The following HDGFL3 variants were observed in gnomAD, a reference collection of about 807,000 sequenced individuals.
The protein encoded by HDGFL3 is hepatoma-derived growth factor-related protein 3.
Under a neutral mutation model 27.6 loss-of-function variants are expected in HDGFL3, and 6 were observed. The observed-to-expected ratio is 0.22, with a 90% CI of 0.12 to 0.43. The LOEUF (loss-of-function observed/expected upper bound fraction) is 0.43, where lower values mean the gene tolerates loss of function less well. Ranked by LOEUF, HDGFL3 falls within the 20% of genes least tolerant of loss-of-function variation. HDGFL3 has a pLI of 1.00. For missense variants in HDGFL3, 207 were observed against 250.1 expected (o/e 0.83, Z 1.16); for synonymous variants, 88 against 88.9 (o/e 0.99, Z 0.05).
chr15:83,198,863 C>G (rs1309517130), intron 1 of HDGFL3, among the ~76,000 whole-genome samples: 1 of 152,186 alleles, frequency 6.6e-6, no homozygotes, highest in Non-Finnish European at 1.5e-5. Flanking sequence ...TAGAACCCAC[C>G]TCCCAACACC....
Position 83,112,855 on chromosome 15 carries a change from C to G in HDGFL3, c.*2854G>C. The G allele has an allele frequency of 1.9e-6, 3 of 1,614,128 alleles. No individual in the cohort carries two copies. The East Asian group carries it at 6.7e-5, about 36-fold the overall frequency. On this transcript the variant is annotated 3_prime_UTR_variant, in exon 4 of 4. Coordinates refer to the HDGFL3 transcript ENST00000568294. ...CCTGTTCCTGGTAGCACTGCTGGCT[C>G]GTGTCCTCGTCAAAAGAAAACCACC...
At chr15:83,150,108 C>A (rs1267838395) in intron 5 of HDGFL3, among the ~76,000 whole-genome samples, 1 of 152,134 alleles carries the variant, frequency 6.6e-6, no homozygotes. Context: ...GGTTCACTGA[C>A]CACATTCTGA....
At position 83,129,053 on chromosome 15, in the gene HDGFL3, A is replaced by G. The variant is rs901978464; in HGVS notation, c.*10217T>C. On this transcript the variant is annotated 3_prime_UTR_variant, in exon 6 of 6. Transcript: ENST00000299633. The stretch of plus-strand genomic sequence containing the variant: ...ATTTTGTTGCCCAGCTTATTCTCAA[A>G]TGCCTGCTTCAAGTAATCCTCCTGC... 3.3e-5 allele frequency: 5 copies of G among 152,126 alleles called. No homozygotes were observed. Among genetic ancestry groups the G allele is most frequent in the African/African-American group, 1.2e-4 (5 of 41,424 alleles). The allele number at this position is 152,126 out of a possible 1,614,324, so 9.4% of individuals were successfully genotyped here.
intron 1 of HDGFL3, among the ~76,000 whole-genome samples, chr15:83,188,087 T>A (rs1284278802): frequency 3.3e-5 from 5 of 152,166 alleles, no homozygotes; most frequent in African/African-American, 1.2e-4. Flanking sequence ...GAAAATGACT[T>A]CCCTTCCAAT....
chr15:83,156,735 C>T lies in HDGFL3; in HGVS notation c.459+680G>A, dbSNP rs1365897470. On this transcript the variant is annotated intron_variant, in intron 4 of 5. Transcript: ENST00000299633. Reference sequence around the variant, plus strand: ...TTGAGATGGAGTCTCGCTCTGTCACCCAGGCTGGAGTGCAGTGGCACGATT... The same window carrying T: ...TTGAGATGGAGTCTCGCTCTGTCACTCAGGCTGGAGTGCAGTGGCACGATT... 3.3e-5 allele frequency among the ~76,000 whole-genome samples: 5 copies of T among 151,924 alleles called. No homozygotes were observed. In the South Asian group the frequency reaches 6.2e-4, roughly 19 times the overall value.
At chr15:83,201,050 C>G (rs2037639212) in intron 1 of HDGFL3, among the ~76,000 whole-genome samples, 2 of 152,006 alleles carry the variant, frequency 1.3e-5, no homozygotes, top group Non-Finnish European at 2.9e-5. Context: ...GAAGGTCAAC[C>G]CATTCCCCCT....
intron 1 of HDGFL3, among the ~76,000 whole-genome samples, chr15:83,206,524 C>G (rs941118439): frequency 1.3e-5 from 2 of 152,218 alleles, no homozygotes; most frequent in Admixed American, 1.3e-4. Context: ...CATGCAGACG[C>G]TTTCTAGAAA....
chr15:83,116,618 T>A (rs1425596026), intron 3 of HDGFL3, among the ~76,000 whole-genome samples: 1 of 152,206 alleles, frequency 6.6e-6, no homozygotes, highest in Non-Finnish European at 1.5e-5. Flanking sequence ...CAGTGAAGAA[T>A]ACAGGCAGCT....
intron 3 of HDGFL3, among the ~76,000 whole-genome samples, chr15:83,121,030 A>C (rs1044462465): frequency 6.6e-6 from 1 of 151,842 alleles, no homozygotes; most frequent in Non-Finnish European, 1.5e-5. Flanking sequence ...AGCCTGTTAC[A>C]TAGTGTGGAG....
intron 1 of HDGFL3, among the ~76,000 whole-genome samples, chr15:83,205,255 G>A (rs904221366): frequency 5.3e-5 from 8 of 152,096 alleles, no homozygotes; most frequent in Non-Finnish European, 8.8e-5. Context: ...GTAAAAAAGG[G>A]GACTCAAATC....
chr15:83,178,462 C>T (rs921782066), intron 1 of HDGFL3, among the ~76,000 whole-genome samples: 14 of 152,130 alleles, frequency 9.2e-5, no homozygotes, highest in Admixed American at 2.6e-4. Flanking sequence ...AAAAGTTCCT[C>T]GCTTCTACCC....
At chr15:83,163,617 G>C (rs2151405301) in intron 2 of HDGFL3, among the ~76,000 whole-genome samples, 1 of 152,276 alleles carries the variant, frequency 6.6e-6, no homozygotes, top group East Asian at 1.9e-4. Flanking sequence ...GAAAGAGCCA[G>C]AGAGAACATA....
At chr15:83,120,934 T>C (rs1049322244) in intron 3 of HDGFL3, among the ~76,000 whole-genome samples, 7 of 150,764 alleles carry the variant, frequency 4.6e-5, no homozygotes, top group Admixed American at 3.3e-4. Flanking sequence ...TGGGGTCTGG[T>C]TACATTTGGC....
chr15:83,130,670 GC>G lies in HDGFL3; in HGVS notation c.*8599del, dbSNP rs2036168576. 1 of 152,222 alleles carries G rather than the reference GC, an allele frequency of 6.6e-6. No individual in the cohort carries two copies. The highest frequency in any genetic ancestry group is 1.5e-5 in the Non-Finnish European group (1 of 68,054). The allele number at this position is 152,222 out of a possible 1,614,324, so 9.4% of individuals were successfully genotyped here. A position where few individuals can be genotyped will look rare whatever the true frequency, so the allele number is the denominator to read the frequency against. On this transcript the variant is annotated 3_prime_UTR_variant, in exon 6 of 6. Transcript: ENST00000299633. ...TGTGTAGGCTAAGGAAAAGTTAGAA[GC>G]CATGCCGCAACAAAACAATAGATAT...
intron 5 of HDGFL3, among the ~76,000 whole-genome samples, chr15:83,148,369 C>T (rs2036924934): frequency 6.6e-6 from 1 of 152,090 alleles, no homozygotes; most frequent in African/African-American, 2.4e-5. Context: ...CACCTGTAAT[C>T]CCAGCACTTT....
At chr15:83,174,099 G>A (rs994873039) in intron 1 of HDGFL3, among the ~76,000 whole-genome samples, 1 of 152,126 alleles carries the variant, frequency 6.6e-6, no homozygotes, top group African/African-American at 2.4e-5. Flanking sequence ...TCAATCTCTT[G>A]GGGCCCTGAG....
chr15:83,201,556 C>G (rs1177466255), intron 1 of HDGFL3, among the ~76,000 whole-genome samples: 2 of 152,264 alleles, frequency 1.3e-5, no homozygotes, highest in East Asian at 1.9e-4. Flanking sequence ...ATTATACTTA[C>G]AAGCCTATAA....
intron 1 of HDGFL3, among the ~76,000 whole-genome samples, chr15:83,206,911 G>A (rs1267777283): frequency 1.3e-5 from 2 of 152,140 alleles, no homozygotes; most frequent in African/African-American, 4.8e-5. Flanking sequence ...GGCACTCGCC[G>A]GCTCGCGGAC....
downstream of HDGFL3, chr15:83,127,468 T>A (rs747875705): frequency 2.2e-5 from 35 of 1,613,642 alleles, no homozygotes; most frequent in Non-Finnish European, 2.8e-5. Context: ...ATGCTGGAGG[T>A]CTGGCTCAGG....
Sources: gnomAD v4.1 joint callset for allele counts (sites outside exome capture counted in the v4.1 genomes callset) on GRCh38, gnomAD v4.1.1 for gene constraint, MANE v1.5 for transcripts, NCBI Gene and HGNC (gene_info 2026-07-23, HGNC 2026-07-21) for gene names.